ST6GALNAC5: variants seen among roughly 807,000 people sequenced by gnomAD.
ST6GALNAC5 encodes the protein alpha-N-acetylgalactosaminide alpha-2,6-sialyltransferase 5.
Under a neutral mutation model 33.6 loss-of-function variants are expected in ST6GALNAC5, and 27 were observed. The ratio of observed to expected loss-of-function variants is 0.80; its 90% CI spans 0.59 to 1.11. The LOEUF is 1.11. Among genes scored for constraint, ST6GALNAC5 ranks in the 50% least tolerant of loss-of-function variants. The probability of loss-of-function intolerance (pLI) is 0.00; values close to 1 mark genes in which losing one functional copy is unlikely to be tolerated. For missense variants in ST6GALNAC5, 428 were observed against 454.0 expected (o/e 0.94, Z 0.52); for synonymous variants, 194 against 171.2 (o/e 1.13, Z -1.04).
intron 2 of ST6GALNAC5, among the ~76,000 whole-genome samples, chr1:76,979,325 C>CA (rs1219013360): frequency 6.6e-5 from 10 of 151,292 alleles, no homozygotes; most frequent in Non-Finnish European, 1.2e-4. Flanking sequence ...CAATCTGGAG[C>CA]AAAAAAATAA....
chr1:76,971,940 G>C (rs1648774791), intron 2 of ST6GALNAC5, among the ~76,000 whole-genome samples: 1 of 152,084 alleles, frequency 6.6e-6, no homozygotes, highest in South Asian at 2.1e-4. Flanking sequence ...CATTCATCCA[G>C]TTTCCATCCC....
intron 2 of ST6GALNAC5, among the ~76,000 whole-genome samples, chr1:76,888,972 T>A (rs1653956533): frequency 6.6e-6 from 1 of 152,118 alleles, no homozygotes; most frequent in Admixed American, 6.6e-5. Context: ...ATATTGTGAT[T>A]AACTATAATC....
intron 3 of ST6GALNAC5, 45 bp from the exon 4 acceptor site, chr1:77,050,213 A>G: frequency 1.3e-6 from 2 of 1,537,434 alleles, no homozygotes; most frequent in East Asian, 4.5e-5. Context: ...AGTGGGTATA[A>G]TGGTTACTTT....
chr1:76,976,022 G>A lies in ST6GALNAC5; in HGVS notation c.262-68182G>A, dbSNP rs559756720. On this transcript the variant is annotated intron_variant, in intron 2 of 4. Coordinates refer to ENST00000477717, the MANE Select transcript of ST6GALNAC5 (RefSeq NM_030965.3). ...AGGCACAAGAATAGCTTGAAACCCG[G>A]AGGTGGAGACTGCAGTGAGTTGAGA... is the stretch of plus-strand genomic sequence containing the variant. Among the ~76,000 whole-genome samples, 7 of 152,296 alleles carry A rather than the reference G, an allele frequency of 4.6e-5. No individual in the cohort carries two copies. The East Asian group carries it at 1.2e-3, about 25-fold the overall frequency.
At chr1:76,982,769 C>A (rs1426299942) in intron 2 of ST6GALNAC5, among the ~76,000 whole-genome samples, 1 of 152,090 alleles carries the variant, frequency 6.6e-6, no homozygotes, top group East Asian at 1.9e-4. Flanking sequence ...AAAGAAAGGT[C>A]GGGTTACCCA....
intron 2 of ST6GALNAC5, among the ~76,000 whole-genome samples, chr1:76,873,433 T>G (rs765243829): frequency 7.2e-5 from 11 of 152,266 alleles, no homozygotes; most frequent in Non-Finnish European, 1.6e-4. Context: ...TACATCTTGT[T>G]GACCAGTTTA....
rs1653422073 is a variant in ST6GALNAC5, at chr1:76,868,703, G to A, written c.222G>A (p.Pro74=). ...AGCGCCCCGGGGTCCCCGCGGGACC[G>A]CGGCCACTGGACGGATACCTCGGAG... is the stretch of plus-strand genomic sequence containing the variant. ...TQQRPGVPAG[P]RPLDGYLGVA... The change falls in exon 2 of 5, where the codon CCG becomes CCA. Residue 74 remains proline (P), a synonymous_variant. Coordinates refer to ENST00000477717, the MANE Select transcript of ST6GALNAC5 (RefSeq NM_030965.3). The surrounding 1 kb of genome is among the most constrained non-coding windows in gnomAD (Gnocchi z 4.3). The A allele has an allele frequency of 3.3e-6, 5 of 1,533,562 alleles. No homozygotes were observed. Among genetic ancestry groups the A allele is most frequent in the Non-Finnish European group, 3.5e-6 (4 of 1,141,200 alleles). The allele number at this position is 1,533,562 out of a possible 1,614,324, so 95.0% of individuals were successfully genotyped here.
At chr1:76,886,183 T>G (rs1460996462) in intron 2 of ST6GALNAC5, among the ~76,000 whole-genome samples, 1 of 152,240 alleles carries the variant, frequency 6.6e-6, no homozygotes, top group African/African-American at 2.4e-5. Context: ...CAGTTATAAT[T>G]ATCACATTTT....
chr1:76,960,168 A>G lies in ST6GALNAC5; in HGVS notation c.262-84036A>G, dbSNP rs961562591. 5.3e-5 allele frequency among the ~76,000 whole-genome samples: 8 copies of G among 152,060 alleles called. No individual in the cohort carries two copies. The East Asian group carries it at 7.7e-4, about 15-fold the overall frequency. ...CGATATTTCACGTAGTTTCTTTTCT[A>G]TTTTCCCTAAGTGTCAGTCGGTCTG... On this transcript the variant is annotated intron_variant, in intron 2 of 4. Transcript: ENST00000477717.
At chr1:76,867,832 C>A in intron 1 of ST6GALNAC5, 142 bp downstream of exon 1, 2 of 1,217,442 alleles carry the variant, frequency 1.6e-6, no homozygotes, top group South Asian at 1.3e-5. Flanking sequence ...TCTACCCGCT[C>A]CGCGTTCCCT....
At chr1:76,950,934 CG>C (rs1261901730) in intron 2 of ST6GALNAC5, among the ~76,000 whole-genome samples, 1 of 151,754 alleles carries the variant, frequency 6.6e-6, no homozygotes. Context: ...ACTAATCTCA[CG>C]AACCACCTGT....
chr1:76,941,016 A>G (rs538811018), intron 2 of ST6GALNAC5, among the ~76,000 whole-genome samples: 35 of 152,150 alleles, frequency 2.3e-4, no homozygotes, highest in South Asian at 1.7e-3. Context: ...ATTGGGGGTA[A>G]AATTGAATAC....
intron 2 of ST6GALNAC5, among the ~76,000 whole-genome samples, chr1:77,031,874 G>A (rs1278249043): frequency 6.6e-6 from 1 of 152,164 alleles, no homozygotes; most frequent in Admixed American, 6.5e-5. Context: ...TTGCAACTTT[G>A]TAGGAAAGAG....
At chr1:77,039,169 G>A (rs997741398) in intron 2 of ST6GALNAC5, among the ~76,000 whole-genome samples, 2 of 152,206 alleles carry the variant, frequency 1.3e-5, no homozygotes, top group Admixed American at 6.5e-5. Context: ...GGCCTGGGCT[G>A]TAGCTCTGAG....
chr1:76,982,692 AC>A (rs1649306841), intron 2 of ST6GALNAC5, among the ~76,000 whole-genome samples: 1 of 152,036 alleles, frequency 6.6e-6, no homozygotes, highest in Non-Finnish European at 1.5e-5. Flanking sequence ...AAGAAGAGCA[AC>A]CCCAAGACAC....
intron 3 of ST6GALNAC5, among the ~76,000 whole-genome samples, chr1:77,045,528 A>G (rs987875834): frequency 1.3e-5 from 2 of 152,242 alleles, no homozygotes; most frequent in Non-Finnish European, 2.9e-5. Flanking sequence ...TGTCTCAATC[A>G]TGATGTAAAA....
intron 3 of ST6GALNAC5, among the ~76,000 whole-genome samples, chr1:77,046,846 T>C (rs926221446): frequency 6.6e-6 from 1 of 152,218 alleles, no homozygotes; most frequent in Non-Finnish European, 1.5e-5. Flanking sequence ...ATGTTAGCTA[T>C]TTAGTATAAT....
intron 3 of ST6GALNAC5, among the ~76,000 whole-genome samples, chr1:77,048,958 C>A (rs908648580): frequency 5.3e-5 from 8 of 152,098 alleles, no homozygotes; most frequent in Non-Finnish European, 1.0e-4. Flanking sequence ...TTATTCCCAT[C>A]TTTAGGAGCT....
At chr1:77,030,824 C>T (rs1288934695) in intron 2 of ST6GALNAC5, among the ~76,000 whole-genome samples, 1 of 152,214 alleles carries the variant, frequency 6.6e-6, no homozygotes, top group Non-Finnish European at 1.5e-5. Flanking sequence ...TCAATCCTAT[C>T]TGCCACCATT....
Sources: allele counts gnomAD v4.1 joint callset (sites outside exome capture counted in the v4.1 genomes callset), GRCh38; gene constraint gnomAD v4.1.1; non-coding constraint Gnocchi (gnomAD v3.1); transcripts MANE v1.5; gene names NCBI Gene and HGNC (gene_info 2026-07-23, HGNC 2026-07-21).